The following WLS variants were observed in gnomAD, a reference collection of about 807,000 sequenced individuals.
WLS encodes the protein Wnt ligand secretion mediator, also known as protein wntless homolog.
Under a neutral mutation model 62.8 loss-of-function variants are expected in WLS, and 23 were observed. That is an observed-to-expected ratio of 0.37 (90% CI 0.26 to 0.52). WLS has a LOEUF of 0.52. WLS is among the 20% of genes least tolerant of loss of function. The pLI is 0.92. For missense variants in WLS, 615 were observed against 697.3 expected (o/e 0.88, Z 1.33); for synonymous variants, 246 against 244.1 (o/e 1.01, Z -0.07).
intron 2 of WLS, among the ~76,000 whole-genome samples, chr1:68,192,584 A>C (rs5774922): frequency 0.5 from 70,024 of 138,772 alleles, 16,583 homozygotes; most frequent in Non-Finnish European, 0.55. Context: ...CACACACACA[A>C]AAAAAAAAGA....
At chr1:68,228,290 T>C (rs777323859) in intron 1 of WLS, 2 of 438,248 alleles carry the variant, frequency 4.6e-6, no homozygotes, top group Non-Finnish European at 9.1e-6. Flanking sequence ...ATTAATCCAG[T>C]TCTGATCTTC....
intron 11 of WLS, among the ~76,000 whole-genome samples, chr1:68,100,209 A>T (rs1646058830): frequency 1.3e-5 from 2 of 152,230 alleles, no homozygotes; most frequent in Admixed American, 6.5e-5. Flanking sequence ...GGCCAAGCTC[A>T]CATATTAGTT....
chr1:68,184,742 CTCAA>C (rs1647808677), intron 2 of WLS, among the ~76,000 whole-genome samples: 1 of 152,176 alleles, frequency 6.6e-6, no homozygotes, highest in Admixed American at 6.5e-5. Flanking sequence ...CCAGCACTGA[CTCAA>C]TCATAGATTT....
At chr1:68,106,736 GTGTGTGTGTGTGTGTA>G (rs1307698489) in intron 11 of WLS, among the ~76,000 whole-genome samples, 1 of 73,574 alleles carries the variant, frequency 1.4e-5, no homozygotes, top group African/African-American at 4.4e-5. Context: ...GTGTGTGTGT[GTGTGTGTGTGTGTGTA>G]TGTGTGGGTA....
At chr1:68,209,871 T>A (rs536619376) in intron 1 of WLS, among the ~76,000 whole-genome samples, 4 of 152,226 alleles carry the variant, frequency 2.6e-5, no homozygotes, top group Non-Finnish European at 5.9e-5. Flanking sequence ...TCATCCAAGG[T>A]CACAGCCAAT....
chr1:68,112,861 C>A (rs1213019051), intron 11 of WLS, among the ~76,000 whole-genome samples: 2 of 152,266 alleles, frequency 1.3e-5, no homozygotes, highest in Non-Finnish European at 2.9e-5. Flanking sequence ...CAAATATCTT[C>A]TCTTCCTGGC....
At chr1:68,186,748 T>C (rs924487157) in intron 2 of WLS, 1 of 447,830 alleles carries the variant, frequency 2.2e-6, no homozygotes, top group Non-Finnish European at 4.5e-6. Context: ...AGACCTGATG[T>C]GCCTGTTATA....
In WLS at chr1:68,125,607, A is replaced by G. The variant is rs1646418168; in HGVS notation, c.*619T>C. ...AGATTGGTTAGTATTAGATACACAG[A>G]TTTGGTTTCAAAGCTGAAATACCCC... On this transcript the variant is annotated 3_prime_UTR_variant, in exon 12 of 12. Transcript: ENST00000262348. 1.0e-6 allele frequency: 1 copy of G among 985,560 alleles called. No homozygotes were observed. The allele number at this position is 985,560 out of a possible 1,614,324, so 61.1% of individuals were successfully genotyped here. A position where few individuals can be genotyped will look rare whatever the true frequency, so the allele number is the denominator to read the frequency against.
chr1:68,191,635 A>G (rs1046766557), intron 2 of WLS, among the ~76,000 whole-genome samples: 2 of 152,088 alleles, frequency 1.3e-5, no homozygotes, highest in African/African-American at 4.8e-5. Context: ...TATGGCTGGG[A>G]CTTAATAAAG....
At chr1:68,164,076 G>A (rs1178291431) in intron 2 of WLS, among the ~76,000 whole-genome samples, 2 of 152,300 alleles carry the variant, frequency 1.3e-5, no homozygotes, top group African/African-American at 4.8e-5. Flanking sequence ...AACCCTCGAT[G>A]AACATCAGTA....
rs66626696 is a variant in WLS at position 68,228,842 on chromosome 1, C to CAAAAAAAAA, written c.106+3343_106+3351dup. ...AGGTTTAGCTTACAGACACTGGTGC[C>CAAAAAAAAA]AAAAAAAAAAAAAAAAAAAAAAAAA... On this transcript the variant is annotated intron_variant, in intron 1 of 11. Coordinates refer to ENST00000262348, the MANE Select transcript of WLS (RefSeq NM_024911.7). Among the ~76,000 whole-genome samples, 254 of 58,034 alleles carry CAAAAAAAAA rather than the reference C, an allele frequency of 4.4e-3. 3 individuals are homozygous for CAAAAAAAAA. Among genetic ancestry groups the CAAAAAAAAA allele is most frequent in the Admixed American group, 6.7e-3 (19 of 2,832 alleles). The allele number at this position is 58,034 out of a possible 152,430, so 38.1% of individuals were successfully genotyped here.
At chr1:68,162,768 G>T (rs112904026) in intron 2 of WLS, 1 of 1,092,178 alleles carries the variant, frequency 9.2e-7, no homozygotes. Context: ...CCACGTTATC[G>T]TAGCCACTGC....
intron 2 of WLS, among the ~76,000 whole-genome samples, chr1:68,192,518 A>G (rs1175924447): frequency 6.6e-6 from 1 of 151,802 alleles, no homozygotes; most frequent in African/African-American, 2.4e-5. Context: ...TTGAGGCTGC[A>G]GTGAGCTGTG....
chr1:68,154,979 G>C, intron 4 of WLS, 120 bp downstream of exon 4: 3 of 1,075,258 alleles, frequency 2.8e-6, no homozygotes, highest in Non-Finnish European at 4.0e-6. Flanking sequence ...TATGATCTCA[G>C]CCATCATGAG....
At chr1:68,130,226 T>C (rs954834945) in intron 11 of WLS, among the ~76,000 whole-genome samples, 1 of 152,186 alleles carries the variant, frequency 6.6e-6, no homozygotes, top group African/African-American at 2.4e-5. Flanking sequence ...ACAGCTACTC[T>C]CATTCTGAGG....
rs760206984 is a variant in WLS, at chr1:68,148,651, C to T, written c.982G>A (p.Glu328Lys). The change falls in exon 7 of 12, where the codon GAG (glutamate) becomes AAG (lysine). Residue 328 changes from glutamate to lysine, a missense_variant. Coordinates refer to ENST00000262348, the MANE Select transcript of WLS (RefSeq NM_024911.7). Reference protein sequence around the residue: ...FCGEHMMDQHERNHIAGYWKQ... With the variant: ...FCGEHMMDQHKRNHIAGYWKQ... The stretch of plus-strand genomic sequence containing the variant: ...CAATACCCTGCGATGTGGTTCCGCT[C>T]GTGCTGATCCTGAGGAAAACCAAAT... The T allele has an allele frequency of 9.9e-6, 16 of 1,613,590 alleles. No individual in the cohort carries two copies. Among genetic ancestry groups the T allele is most frequent in the South Asian group, 2.2e-5 (2 of 90,896 alleles).
intron 1 of WLS, among the ~76,000 whole-genome samples, chr1:68,205,055 T>C (rs1457320550): frequency 6.6e-6 from 1 of 152,224 alleles, no homozygotes; most frequent in Non-Finnish European, 1.5e-5. Flanking sequence ...CAAAATTTTA[T>C]CAAATGCCTA....
At chr1:68,189,862 C>T (rs1184901380) in intron 2 of WLS, among the ~76,000 whole-genome samples, 3 of 152,196 alleles carry the variant, frequency 2.0e-5, no homozygotes, top group South Asian at 4.2e-4. Context: ...GGCGAAACCC[C>T]GTCTCTACTA....
chr1:68,140,931 C>A (rs1442457057), intron 10 of WLS, among the ~76,000 whole-genome samples: 1 of 151,950 alleles, frequency 6.6e-6, no homozygotes, highest in Non-Finnish European at 1.5e-5. Flanking sequence ...ACAGTCTCCC[C>A]CCTTTTAACT....
Sources: allele counts gnomAD v4.1 joint callset (sites outside exome capture counted in the v4.1 genomes callset), GRCh38; gene constraint gnomAD v4.1.1; transcripts MANE v1.5; gene names NCBI Gene and HGNC (gene_info 2026-07-23, HGNC 2026-07-21).